Variants in ITPR1 observed in about 807,000 individuals in gnomAD.
The protein encoded by ITPR1 is inositol 1,4,5-trisphosphate receptor type 1.
Under a neutral mutation model 318.4 loss-of-function variants are expected in ITPR1, and 96 were observed. That is an observed-to-expected ratio of 0.30 (90% CI 0.26 to 0.36). The LOEUF (loss-of-function observed/expected upper bound fraction) is 0.36. Ranked by LOEUF, ITPR1 falls within the 10% of genes least tolerant of loss-of-function variation. The pLI is 1.00. For missense variants in ITPR1, 2,440 were observed against 3,460.2 expected (o/e 0.71, Z 7.40); for synonymous variants, 1,312 against 1,289.9 (o/e 1.02, Z -0.37).
intron 44 of ITPR1, among the ~76,000 whole-genome samples, chr3:4,752,519 A>G (rs1008964218): frequency 2.6e-5 from 4 of 152,232 alleles, no homozygotes; most frequent in Non-Finnish European, 5.9e-5. Context: ...GGTGTGCTGC[A>G]TATTCCCACT....
intron 4 of ITPR1, among the ~76,000 whole-genome samples, chr3:4,587,237 G>A (rs1223915696): frequency 6.7e-6 from 1 of 150,356 alleles, no homozygotes; most frequent in African/African-American, 2.5e-5. Flanking sequence ...CAAGCACCCA[G>A]TGCTGCTGAT....
intron 7 of ITPR1, among the ~76,000 whole-genome samples, chr3:4,643,200 A>C (rs190375857): frequency 2.0e-5 from 3 of 152,344 alleles, no homozygotes; most frequent in African/African-American, 7.2e-5. Flanking sequence ...TTTCACCAAA[A>C]GTGTTGGATT....
At chr3:4,545,564 A>G (rs1239489009) in intron 4 of ITPR1, among the ~76,000 whole-genome samples, 1 of 148,146 alleles carries the variant, frequency 6.8e-6, no homozygotes, top group Non-Finnish European at 1.5e-5. Context: ...CTGAAGCTGA[A>G]GTGAGCCATG....
intron 4 of ITPR1, among the ~76,000 whole-genome samples, chr3:4,569,578 G>C (rs2087762927): frequency 6.6e-6 from 1 of 152,168 alleles, no homozygotes; most frequent in Admixed American, 6.5e-5. Context: ...ATGCCTTTTA[G>C]AAATGCCTTT....
At position 4,847,095 on chromosome 3, in the gene ITPR1, G is replaced by C. The variant is rs1344868246; in HGVS notation, c.*870G>C. ...TCGCATTATAAAGACATGCATAATT[G>C]ATGGTTTCTAGATTATCTAGTCCAA... On this transcript the variant is annotated 3_prime_UTR_variant, in exon 62 of 62. Coordinates refer to ENST00000649015, the MANE Select transcript of ITPR1 (RefSeq NM_001378452.1). 2 of 152,588 alleles carry C rather than the reference G, an allele frequency of 1.3e-5. No individual in the cohort carries two copies. The highest frequency in any genetic ancestry group is 2.9e-5 in the Non-Finnish European group (2 of 68,024). 9.5% of individuals were successfully genotyped at this position (152,588 alleles called of 1,614,324 possible).
intron 10 of ITPR1, among the ~76,000 whole-genome samples, chr3:4,647,198 T>C (rs2093478032): frequency 6.6e-6 from 1 of 152,150 alleles, no homozygotes; most frequent in Non-Finnish European, 1.5e-5. Flanking sequence ...TATTTTGAGA[T>C]TCGTATATAT....
At chr3:4,673,069 G>T in intron 20 of ITPR1, 67 bp from the exon 21 acceptor site, 1 of 1,542,656 alleles carries the variant, frequency 6.5e-7, no homozygotes, top group Non-Finnish European at 8.8e-7. Flanking sequence ...GGGCTGCCCA[G>T]ACGACCCTTC....
intron 42 of ITPR1, among the ~76,000 whole-genome samples, chr3:4,731,402 C>A (rs76886299): frequency 6.6e-6 from 1 of 152,166 alleles, no homozygotes; most frequent in East Asian, 1.9e-4. Flanking sequence ...AGTAACTTAC[C>A]CATTTGAAGC....
intron 35 of ITPR1, among the ~76,000 whole-genome samples, chr3:4,702,403 T>C (rs2094674875): frequency 2.0e-5 from 3 of 152,216 alleles, no homozygotes; most frequent in Admixed American, 6.5e-5. Flanking sequence ...ATATAATGTC[T>C]GGAAGGAACT....
At chr3:4,558,527 A>T (rs1559445108) in intron 4 of ITPR1, among the ~76,000 whole-genome samples, 1 of 152,206 alleles carries the variant, frequency 6.6e-6, no homozygotes, top group Non-Finnish European at 1.5e-5. Context: ...AGAGGGCTCT[A>T]ATGATATCAA....
rs774883819 is a variant in ITPR1 at position 4,825,185 on chromosome 3, TC to T, written c.8028+6945del. 1.4e-4 allele frequency among the ~76,000 whole-genome samples: 22 copies of T among 152,362 alleles called. No individual in the cohort carries two copies. The East Asian group carries it at 3.5e-3, about 24-fold the overall frequency. The stretch of plus-strand genomic sequence containing the variant: ...CCTCCCTACTTTCTCTCTTTGCCTC[TC>T]CTGCTCCCTCTTCCTTGCCCTCAAC... On this transcript the variant is annotated intron_variant, in intron 60 of 61. Transcript: ENST00000649015.
chr3:4,733,014 G>T, intron 42 of ITPR1, 74 bp from the exon 43 acceptor site: 1 of 1,454,656 alleles, frequency 6.9e-7, no homozygotes, highest in Non-Finnish European at 9.5e-7. Flanking sequence ...GAGTACCCCT[G>T]TGTGTTTTGA....
chr3:4,601,331 C>T (rs370991799), intron 4 of ITPR1, among the ~76,000 whole-genome samples: 1 of 151,664 alleles, frequency 6.6e-6, no homozygotes, highest in African/African-American at 2.4e-5. Context: ...CCAGCCTGGG[C>T]AACATGGTGA....
intron 44 of ITPR1, among the ~76,000 whole-genome samples, chr3:4,736,936 C>A (rs1178159627): frequency 1.3e-5 from 2 of 152,178 alleles, no homozygotes; most frequent in African/African-American, 2.4e-5. Context: ...AGGATTTTCT[C>A]CAGGCATAGT....
At chr3:4,598,384 A>G (rs1464816744) in intron 4 of ITPR1, among the ~76,000 whole-genome samples, 1 of 152,156 alleles carries the variant, frequency 6.6e-6, no homozygotes, top group Non-Finnish European at 1.5e-5. Flanking sequence ...CTTTGGGAGA[A>G]TGAAGTGGGT....
chr3:4,556,381 T>G (rs576998827), intron 4 of ITPR1, among the ~76,000 whole-genome samples: 3 of 152,326 alleles, frequency 2.0e-5, no homozygotes, highest in African/African-American at 7.2e-5. Context: ...TTTGGACAAA[T>G]GTATAATGGG....
chr3:4,742,451 C>A (rs1251863334), intron 44 of ITPR1, among the ~76,000 whole-genome samples: 6 of 152,130 alleles, frequency 3.9e-5, no homozygotes, highest in African/African-American at 1.2e-4. Context: ...CTCAGGACTC[C>A]TGGCGAAGTC....
chr3:4,785,578 T>A (rs897419570), intron 51 of ITPR1, among the ~76,000 whole-genome samples: 11 of 152,356 alleles, frequency 7.2e-5, no homozygotes, highest in Middle Eastern at 3.4e-3. Flanking sequence ...ATATCTGATT[T>A]ATCATTAATG....
rs542723232 is a variant in ITPR1 at position 4,503,042 on chromosome 3, A to G, written c.-17+8536A>G. 2.0e-5 allele frequency among the ~76,000 whole-genome samples: 3 copies of G among 151,616 alleles called. No homozygotes were observed. The South Asian group carries it at 6.2e-4, about 32-fold the overall frequency. The stretch of plus-strand genomic sequence containing the variant: ...GGAGGTTGCAGTGAGCTGAGATCGC[A>G]CCACTGCACTCCAGCCTGGGGGGCA... On this transcript the variant is annotated intron_variant, in intron 2 of 61. Coordinates refer to ENST00000649015, the MANE Select transcript of ITPR1 (RefSeq NM_001378452.1).
Sources: allele counts gnomAD v4.1 joint callset (sites outside exome capture counted in the v4.1 genomes callset), GRCh38; gene constraint gnomAD v4.1.1; transcripts MANE v1.5; gene names NCBI Gene and HGNC (gene_info 2026-07-23, HGNC 2026-07-21).